PCDHA12: variants seen among roughly 807,000 people sequenced by gnomAD.
The protein encoded by PCDHA12 is protocadherin alpha 12.
PCDHA12 carries 44 observed loss-of-function variants against 60.0 expected under a neutral mutation model. That is an observed-to-expected ratio of 0.73 (90% CI 0.58 to 0.94). The LOEUF (loss-of-function observed/expected upper bound fraction) is 0.94. Ranked by LOEUF, PCDHA12 falls within the 40% of genes least tolerant of loss-of-function variation. PCDHA12 has a pLI of 0.00. For synonymous variants in PCDHA12, 569 were observed against 553.0 expected (o/e 1.03, Z -0.40); for missense variants, 1,276 against 1,239.7 (o/e 1.03, Z -0.44).
rs1226856696 is a variant in PCDHA12 at position 140,877,831 on chromosome 5, C to T, written c.2359C>T (p.Pro787Ser). The T allele has an allele frequency of 3.1e-6, 5 of 1,592,698 alleles. No homozygotes were observed. Among genetic ancestry groups the T allele is most frequent in the Non-Finnish European group, 4.3e-6 (5 of 1,172,178 alleles). Residue 787 changes from proline (P) to serine (S), a missense_variant, in exon 1 of 4, where the codon CCC becomes TCC. Physicochemically the swap from Pro to Ser is moderately conservative, Grantham distance 74. Coordinates refer to ENST00000398631, the MANE Select transcript of PCDHA12 (RefSeq NM_018903.4). ...QLSREDCLNP[P>S]SEPRQPNPDW... Reference sequence around the variant, plus strand: ...GTCTCGAGAAGATTGTTTAAATCCTCCCAGTGAAGTAAGTTATTAATATTA... The same window carrying T: ...GTCTCGAGAAGATTGTTTAAATCCTTCCAGTGAAGTAAGTTATTAATATTA...
chr5:140,911,381 G>A (rs2075444647), intron 1 of PCDHA12, among the ~76,000 whole-genome samples: 1 of 152,116 alleles, frequency 6.6e-6, no homozygotes, highest in African/African-American at 2.4e-5. Context: ...GGCTGTGCAT[G>A]CACCTTTCAT....
intron 1 of PCDHA12, among the ~76,000 whole-genome samples, chr5:140,960,837 G>A (rs1554225051): frequency 6.6e-6 from 1 of 151,456 alleles, no homozygotes; most frequent in African/African-American, 2.5e-5. Flanking sequence ...ACTTGGAACA[G>A]GTTTAATGGC....
At chr5:140,906,942 A>G (rs2073059599) in intron 1 of PCDHA12, among the ~76,000 whole-genome samples, 1 of 152,146 alleles carries the variant, frequency 6.6e-6, no homozygotes, top group Admixed American at 6.5e-5. Context: ...TGTCAATCTT[A>G]ATTTCCAGTT....
chr5:141,011,299 CTGAA>C lies in PCDHA12; in HGVS notation c.*1364_*1367del, dbSNP rs1554263406. ...TTTAGTTTTCCTTTTCTATAACACT[CTGAA>C]TTGCTAATCTTACTAACACCTATGA... is the stretch of plus-strand genomic sequence containing the variant. On this transcript the variant is annotated 3_prime_UTR_variant, in exon 4 of 4. Coordinates refer to ENST00000398631, the MANE Select transcript of PCDHA12 (RefSeq NM_018903.4). 1 of 153,768 alleles carries C rather than the reference CTGAA, an allele frequency of 6.5e-6. No homozygotes were observed. Among genetic ancestry groups the C allele is most frequent in the East Asian group, 1.9e-4 (1 of 5,198 alleles). The allele number at this position is 153,768 out of a possible 1,614,324, so 9.5% of individuals were successfully genotyped here.
chr5:140,888,586 C>T (rs1408191600), intron 1 of PCDHA12, among the ~76,000 whole-genome samples: 1 of 152,154 alleles, frequency 6.6e-6, no homozygotes, highest in East Asian at 1.9e-4. Flanking sequence ...TTTGTTAGTA[C>T]ACATTCAGAG....
intron 1 of PCDHA12, among the ~76,000 whole-genome samples, chr5:140,879,868 A>G (rs544274525): frequency 2.0e-5 from 3 of 152,222 alleles, no homozygotes; most frequent in Middle Eastern, 3.4e-3. Context: ...CTCAGCTTTC[A>G]TGGTCACATT....
chr5:140,953,074 C>T (rs929530454), intron 1 of PCDHA12, among the ~76,000 whole-genome samples: 1 of 152,204 alleles, frequency 6.6e-6, no homozygotes, highest in Non-Finnish European at 1.5e-5. Flanking sequence ...CCATCTCCAA[C>T]ATTGGGGATT....
At chr5:140,989,105 T>G (rs550881823) in intron 3 of PCDHA12, 2 of 152,232 alleles carry the variant, frequency 1.3e-5, no homozygotes, top group African/African-American at 4.8e-5. Flanking sequence ...GAAACAACTT[T>G]TGAATATATC....
At chr5:140,956,181 T>C (rs1351584707) in intron 1 of PCDHA12, among the ~76,000 whole-genome samples, 1 of 152,212 alleles carries the variant, frequency 6.6e-6, no homozygotes, top group South Asian at 2.1e-4. Flanking sequence ...CTTCCAATAC[T>C]ATGCTGAATA....
chr5:140,969,274 TG>T, intron 1 of PCDHA12: 1 of 1,614,158 alleles, frequency 6.2e-7, no homozygotes, highest in Non-Finnish European at 8.5e-7. Flanking sequence ...CAGGCCAAAG[TG>T]GTCAGAATGC....
At chr5:140,890,854 T>C (rs1320462436) in intron 1 of PCDHA12, among the ~76,000 whole-genome samples, 1 of 152,232 alleles carries the variant, frequency 6.6e-6, no homozygotes, top group African/African-American at 2.4e-5. Context: ...TTTCTCTTCC[T>C]TACTTCTTGC....
chr5:140,900,693 T>A (rs1223398418), intron 1 of PCDHA12, among the ~76,000 whole-genome samples: 1 of 152,242 alleles, frequency 6.6e-6, no homozygotes, highest in African/African-American at 2.4e-5. Flanking sequence ...TATACTGATT[T>A]CCGTTCTTTT....
chr5:140,891,708 C>A (rs1422243783), intron 1 of PCDHA12, among the ~76,000 whole-genome samples: 1 of 152,182 alleles, frequency 6.6e-6, no homozygotes, highest in Middle Eastern at 3.4e-3. Flanking sequence ...TGAATTTGTA[C>A]CCCCAAATTC....
intron 1 of PCDHA12, among the ~76,000 whole-genome samples, chr5:140,919,522 CT>C (rs1554199133): frequency 1.3e-5 from 2 of 152,000 alleles, no homozygotes; most frequent in Non-Finnish European, 2.9e-5. Flanking sequence ...TTTTAATTCT[CT>C]TTTTTTCCTA....
chr5:140,947,668 T>A (rs2094160892), intron 1 of PCDHA12, among the ~76,000 whole-genome samples: 1 of 151,602 alleles, frequency 6.6e-6, no homozygotes, highest in Admixed American at 6.6e-5. Flanking sequence ...TACTTGGGTC[T>A]TTAAAAAATT....
chr5:140,971,115 G>A (rs1409733667), intron 1 of PCDHA12, among the ~76,000 whole-genome samples: 1 of 152,146 alleles, frequency 6.6e-6, no homozygotes, highest in Non-Finnish European at 1.5e-5. Flanking sequence ...GGATTGGGGT[G>A]GGCTACAGGT....
At chr5:140,882,069 G>T in intron 1 of PCDHA12, 1 of 844,446 alleles carries the variant, frequency 1.2e-6, no homozygotes, top group Non-Finnish European at 1.8e-6. Flanking sequence ...ACGTTCATGC[G>T]CATGGTGTCG....
intron 1 of PCDHA12, among the ~76,000 whole-genome samples, chr5:140,878,675 G>C (rs1582445027): frequency 6.6e-6 from 1 of 152,048 alleles, no homozygotes; most frequent in East Asian, 1.9e-4. Flanking sequence ...TTTAACCAGG[G>C]AATAAAGTCT....
At chr5:140,930,814 T>A (rs1554208117) in intron 1 of PCDHA12, among the ~76,000 whole-genome samples, 1 of 152,210 alleles carries the variant, frequency 6.6e-6, no homozygotes, top group Non-Finnish European at 1.5e-5. Flanking sequence ...AAGATATGCT[T>A]AGTAAATGCT....
Sources: allele counts gnomAD v4.1 joint callset (sites outside exome capture counted in the v4.1 genomes callset), GRCh38; gene constraint gnomAD v4.1.1; transcripts MANE v1.5; gene names NCBI Gene and HGNC (gene_info 2026-07-23, HGNC 2026-07-21).